Variants in DYRK1B observed in about 807,000 individuals in gnomAD.
The protein encoded by DYRK1B is dual specificity tyrosine phosphorylation regulated kinase 1B.
A neutral mutation model predicts 57.1 loss-of-function variants in DYRK1B; 20 were observed. The observed-to-expected ratio is 0.35, with a 90% confidence interval of 0.25 to 0.51. DYRK1B has a LOEUF of 0.51. Among genes scored for constraint, DYRK1B ranks in the 20% least tolerant of loss-of-function variants. DYRK1B has a pLI of 0.96. For synonymous variants in DYRK1B, 409 were observed against 384.7 expected (o/e 1.06, Z -0.74); for missense variants, 732 against 886.3 (o/e 0.83, Z 2.21).
chr19:39,832,856 T>C lies in DYRK1B; in HGVS notation c.-101-888A>G, dbSNP rs1040611769. 4.2e-6 allele frequency: 4 copies of C among 956,056 alleles called. No homozygotes were observed. The African/African-American group carries it at 5.3e-5, about 13-fold the overall frequency. The allele number at this position is 956,056 out of a possible 1,614,324, so 59.2% of individuals were successfully genotyped here. ...CCCAATCAAGGCCCACTCCTCCTGA[T>C]GGGAGAAGGAGGAGGTGTCTCTTCC... On this transcript the variant is annotated intron_variant, in intron 1 of 10. Coordinates refer to ENST00000323039, the MANE Select transcript of DYRK1B (RefSeq NM_004714.3).
chr19:39,826,569 T>C lies in DYRK1B; in HGVS notation c.1411+103A>G. On this transcript the variant is annotated intron_variant, in intron 9 of 10. Coordinates refer to ENST00000323039, the MANE Select transcript of DYRK1B (RefSeq NM_004714.3). The surrounding 1 kb of genome is among the most constrained non-coding windows in gnomAD (Gnocchi z 6.3). The stretch of plus-strand genomic sequence containing the variant: ...ACGTCATCTTACAGTTCAGGATCAG[T>C]TTCGGCGCTTTGTGTGAAGACCCAG... 2.3e-6 allele frequency: 3 copies of C among 1,283,496 alleles called. No homozygotes were observed. In the South Asian group the frequency reaches 4.7e-5, roughly 20 times the overall value. The allele number at this position is 1,283,496 out of a possible 1,614,324, so 79.5% of individuals were successfully genotyped here.
rs765779420 is a variant in DYRK1B at position 39,831,801 on chromosome 19, G to A, written c.63+4C>T. ...CGCAGGTGAGGAGCCAGCTGAACGCGTACCTGCGTGTGCTCCTGGGGCCCT... is the reference window on the plus strand; with the variant it reads ...CGCAGGTGAGGAGCCAGCTGAACGCATACCTGCGTGTGCTCCTGGGGCCCT... On this transcript the variant is annotated splice_donor_region_variant and intron_variant, in intron 2 of 10. Transcript: ENST00000323039. 3.1e-4 allele frequency: 482 copies of A among 1,548,276 alleles called. No individual in the cohort carries two copies. The highest frequency in any genetic ancestry group is 3.8e-4 in the Non-Finnish European group (439 of 1,146,388).
rs368444011 is a variant in DYRK1B, at chr19:39,832,934, T to TAC, written c.-101-968_-101-967dup. 4,469 of 954,418 alleles carry TAC rather than the reference T, an allele frequency of 4.7e-3. 102 individuals carry two copies. The African/African-American group carries it at 0.061, about 13-fold the overall frequency. The allele number at this position is 954,418 out of a possible 1,614,324, so 59.1% of individuals were successfully genotyped here. ...CCCCTACACTGCTTCCTTGCCCCCCTACACACACACACACACCCTAATATT... is the reference window on the plus strand; with the variant it reads ...CCCCTACACTGCTTCCTTGCCCCCCTACACACACACACACACACCCTAATATT... On this transcript the variant is annotated intron_variant, in intron 1 of 10. Transcript: ENST00000323039.
intron 8 of DYRK1B, 78 bp from the exon 9 acceptor site, chr19:39,827,065 A>C: frequency 7.9e-7 from 1 of 1,259,912 alleles, no homozygotes; most frequent in Non-Finnish European, 1.1e-6. Context: ...ACACACGGGG[A>C]AACAGAGGCA....
At position 39,830,006 on chromosome 19, in the gene DYRK1B, G is replaced by C; in HGVS notation, c.394C>G (p.Gln132Glu). 1 of 1,614,110 alleles carries C rather than the reference G, an allele frequency of 6.2e-7. No individual in the cohort carries two copies. The highest frequency in any genetic ancestry group is 8.5e-7 in the Non-Finnish European group (1 of 1,180,024). Residue 132 changes from glutamine (Q) to glutamate (E), a missense_variant, in exon 5 of 11, where the codon CAG becomes GAG. Around this residue, in one of 2 missense-constraint regions of DYRK1B, gnomAD observed 510 missense variants for 681.3 expected, o/e 0.75. Transcript: ENST00000323039. ...TTGATGGCCACAAGCTCCTGGGTCT[G>C]ATGATCATAGGCTTTCACCACCTGT... ...FGQVVKAYDHQTQELVAIKII... is the reference protein window; with the variant it reads ...FGQVVKAYDHETQELVAIKII...
chr19:39,829,797 T>TA, intron 5 of DYRK1B, 83 bp downstream of exon 5: 1 of 1,497,560 alleles, frequency 6.7e-7, no homozygotes. Flanking sequence ...CTCCTGAGAG[T>TA]AGGGCGGGGG....
At chr19:39,832,173 A>G in intron 1 of DYRK1B, among the ~76,000 whole-genome samples, 1 of 152,108 alleles carries the variant, frequency 6.6e-6, no homozygotes, top group East Asian at 1.9e-4. Context: ...TCGACAAATA[A>G]TGATCAAGTA....
In DYRK1B at chr19:39,825,698, CCAGGGAGGGGGCA is replaced by C; in HGVS notation, c.*4_*16del. Reference sequence around the variant, plus strand: ...GGAGGGTATGGCTTCAGGAGGGGCCCCAGGGAGGGGGCAGGGTCACGAGCTGGCTGCTGTGCTC... The same window carrying C: ...GGAGGGTATGGCTTCAGGAGGGGCCCGGGTCACGAGCTGGCTGCTGTGCTC... On this transcript the variant is annotated 3_prime_UTR_variant, in exon 11 of 11. Coordinates refer to ENST00000323039, the MANE Select transcript of DYRK1B (RefSeq NM_004714.3). The C allele has an allele frequency of 6.5e-7, 1 of 1,543,578 alleles. No homozygotes were observed. Among genetic ancestry groups the C allele is most frequent in the Admixed American group, 2.0e-5 (1 of 50,878 alleles).
At position 39,825,643 on chromosome 19, in the gene DYRK1B, G is replaced by A. The variant is rs987910177; in HGVS notation, c.*72C>T. On this transcript the variant is annotated 3_prime_UTR_variant, in exon 11 of 11. Coordinates refer to ENST00000323039, the MANE Select transcript of DYRK1B (RefSeq NM_004714.3). ...AGCAATTCCAGTCAAGGAGAGAGAT[G>A]AGGATGGGAGCCCAGGGCCCCCAGA... 6 of 1,446,826 alleles carry A rather than the reference G, an allele frequency of 4.1e-6. No homozygotes were observed. In the Admixed American group the frequency reaches 9.9e-5, roughly 24 times the overall value. 89.6% of individuals were successfully genotyped at this position (1,446,826 alleles called of 1,614,324 possible).
rs371689943 is a variant in DYRK1B, at chr19:39,826,007, G to A, written c.1598C>T (p.Ser533Leu). The A allele has an allele frequency of 9.2e-6, 14 of 1,522,224 alleles. No homozygotes were observed. The South Asian group carries it at 9.2e-5, about 10-fold the overall frequency. The allele number at this position is 1,522,224 out of a possible 1,614,324, so 94.3% of individuals were successfully genotyped here. A position where few individuals can be genotyped will look rare whatever the true frequency, so the allele number is the denominator to read the frequency against. Residue 533 changes from serine (S) to leucine (L), a missense_variant, in exon 11 of 11, where the codon TCG (serine) becomes TTG (leucine). Physicochemically the swap from Ser to Leu is moderately radical, Grantham distance 145 (BLOSUM62 -2). Transcript: ENST00000323039. The surrounding 1 kb of genome is among the most constrained non-coding windows in gnomAD (Gnocchi z 6.3). ...HKTHQAPASA[S>L]SLPGTGAQLP... ...CTGGGCCCCGGTCCCAGGCAGTGAC[G>A]AGGCAGAGGCAGGGGCTTGATGTGT...
rs1968571015 is a variant in DYRK1B at position 39,826,997 on chromosome 19, AG to A, written c.1096-11del. On this transcript the variant is annotated splice_polypyrimidine_tract_variant and intron_variant, in intron 8 of 10. Coordinates refer to ENST00000323039, the MANE Select transcript of DYRK1B (RefSeq NM_004714.3). This position sits in a 1 kb window ranked among gnomAD's most constrained non-coding sequence, Gnocchi z 6.3. ...CGGGGCCCTGGTAATCCTGGCAGGGAGGGGGTGGGAGGGGGGGCAAGAGAGT... is the reference window on the plus strand; with the variant it reads ...CGGGGCCCTGGTAATCCTGGCAGGGAGGGGTGGGAGGGGGGGCAAGAGAGT... 5.8e-5 allele frequency: 5 copies of A among 86,896 alleles called. No homozygotes were observed. The highest frequency in any genetic ancestry group is 5.2e-5 in the Non-Finnish European group (3 of 57,334). 5.4% of individuals were successfully genotyped at this position (86,896 alleles called of 1,614,324 possible).
intron 1 of DYRK1B, among the ~76,000 whole-genome samples, chr19:39,832,769 T>G (rs1161871703): frequency 6.6e-6 from 1 of 152,068 alleles, no homozygotes; most frequent in Non-Finnish European, 1.5e-5. Flanking sequence ...AGTCTCCCTG[T>G]ACCATATCCC....
intron 1 of DYRK1B, among the ~76,000 whole-genome samples, chr19:39,833,803 C>G (rs12984874): frequency 6.6e-6 from 1 of 152,136 alleles, no homozygotes; most frequent in African/African-American, 2.4e-5. Flanking sequence ...TGGGGCCCGG[C>G]TACCCCCTCC....
At chr19:39,827,014 G>GGGGGGGGGGGGGGGGGGGGGC in intron 8 of DYRK1B, 27 bp from the exon 9 acceptor site, 1 of 419,596 alleles carries the variant, frequency 2.4e-6, no homozygotes, top group Non-Finnish European at 4.3e-6. Flanking sequence ...GGGAGGGGGG[G>GGGGGGGGGGGGGGGGGGGGGC]CAAGAGAGTG....
rs563321608 is a variant in DYRK1B at position 39,828,924 on chromosome 19, T to TAA, written c.521-343_521-342dup. ...AAGGACACTGGTTTTCCGTTTACTTTAAGGATATACGTTTTCCTTTCAAAC... is the reference window on the plus strand; with the variant it reads ...AAGGACACTGGTTTTCCGTTTACTTTAAAAGGATATACGTTTTCCTTTCAAAC... On this transcript the variant is annotated intron_variant, in intron 5 of 10. Coordinates refer to ENST00000323039, the MANE Select transcript of DYRK1B (RefSeq NM_004714.3). This position sits in a 1 kb window ranked among gnomAD's most constrained non-coding sequence, Gnocchi z 4.3. 1.3e-3 allele frequency among the ~76,000 whole-genome samples: 199 copies of TAA among 152,374 alleles called. 1 individual carries two copies. Among genetic ancestry groups the TAA allele is most frequent in the African/African-American group, 4.7e-3 (195 of 41,598 alleles).
Position 39,826,602 on chromosome 19 carries a change from G to A in DYRK1B, c.1411+70C>T. 7.0e-7 allele frequency: 1 copy of A among 1,437,514 alleles called. No homozygotes were observed. Among genetic ancestry groups the A allele is most frequent in the Non-Finnish European group, 9.2e-7 (1 of 1,088,488 alleles). The allele number at this position is 1,437,514 out of a possible 1,614,324, so 89.0% of individuals were successfully genotyped here. ...CTTTGTGTGAAGACCCAGTAACCAGGTCCCCCAGGACAGGCCAAACCTGAG... is the reference window on the plus strand; with the variant it reads ...CTTTGTGTGAAGACCCAGTAACCAGATCCCCCAGGACAGGCCAAACCTGAG... On this transcript the variant is annotated intron_variant, in intron 9 of 10. Coordinates refer to ENST00000323039, the MANE Select transcript of DYRK1B (RefSeq NM_004714.3). This position sits in a 1 kb window ranked among gnomAD's most constrained non-coding sequence, Gnocchi z 6.3.
chr19:39,825,707 G>T lies in DYRK1B; in HGVS notation c.*8C>A. The T allele has an allele frequency of 6.5e-7, 1 of 1,546,786 alleles. No individual in the cohort carries two copies. Among genetic ancestry groups the T allele is most frequent in the Non-Finnish European group, 8.7e-7 (1 of 1,147,246 alleles). ...GGCTTCAGGAGGGGCCCCAGGGAGG[G>T]GGCAGGGTCACGAGCTGGCTGCTGT... On this transcript the variant is annotated 3_prime_UTR_variant, in exon 11 of 11. Transcript: ENST00000323039.
At position 39,828,244 on chromosome 19, in the gene DYRK1B, CTCTG is replaced by C; in HGVS notation, c.807+49_807+52del. ...GCCCCGCCCCTAAGCCTCCCGTTGG[CTCTG>C]CCCCACCCAAACTACTAGCCGTGCT... On this transcript the variant is annotated intron_variant, in intron 6 of 10. Coordinates refer to ENST00000323039, the MANE Select transcript of DYRK1B (RefSeq NM_004714.3). This position sits in a 1 kb window ranked among gnomAD's most constrained non-coding sequence, Gnocchi z 4.3. 6 of 1,589,402 alleles carry C rather than the reference CTCTG, an allele frequency of 3.8e-6. No individual in the cohort carries two copies. Among genetic ancestry groups the C allele is most frequent in the Non-Finnish European group, 4.3e-6 (5 of 1,166,690 alleles).
At position 39,825,769 on chromosome 19, in the gene DYRK1B, C is replaced by T; in HGVS notation, c.1836G>A (p.Leu612=). The T allele has an allele frequency of 6.4e-7, 1 of 1,573,026 alleles. No homozygotes were observed. The highest frequency in any genetic ancestry group is 8.6e-7 in the Non-Finnish European group (1 of 1,160,086). ...CACCACGGAGGCCCAGGTGAGGCCC[C>T]AGAGTGGCAGGGTCATCAGGAGGCG... The part of the protein sequence containing the change: ...PLPPPDDPAT[L]GPHLGLRGVP... Residue 612 remains leucine, a synonymous_variant, in exon 11 of 11, where the codon CTG becomes CTA. Transcript: ENST00000323039.
Sources: gnomAD v4.1 joint callset for allele counts (sites outside exome capture counted in the v4.1 genomes callset) on GRCh38, gnomAD v4.1.1 for gene constraint, gnomAD v4.1.1 regional missense constraint, Gnocchi (gnomAD v3.1) non-coding constraint, MANE v1.5 for transcripts, NCBI Gene and HGNC (gene_info 2026-07-23, HGNC 2026-07-21) for gene names.